Variants in BMERB1 observed in about 807,000 individuals in gnomAD.
The protein encoded by BMERB1 is bMERB domain-containing protein 1.
In BMERB1, 12 loss-of-function variants were observed where a neutral mutation model predicts 23.6. The observed-to-expected ratio is 0.51, with a 90% CI of 0.33 to 0.82. BMERB1 has a LOEUF of 0.82. Ranked by LOEUF, BMERB1 falls within the 40% of genes least tolerant of loss-of-function variation. The pLI is 0.03. For synonymous variants in BMERB1, 122 were observed against 96.6 expected, an observed-to-expected ratio of 1.26 and a Z score of -1.54; for missense variants, 247 against 255.4, an observed-to-expected ratio of 0.97 and a Z score of 0.22.
intron 1 of BMERB1, among the ~76,000 whole-genome samples, chr16:15,491,088 A>G (rs2051415760): frequency 6.6e-6 from 1 of 152,094 alleles, no homozygotes. Flanking sequence ...GAGCTCAAGT[A>G]ATCTTCCCGC....
At chr16:15,476,404 T>G (rs2051275409) in intron 1 of BMERB1, among the ~76,000 whole-genome samples, 1 of 152,072 alleles carries the variant, frequency 6.6e-6, no homozygotes, top group Non-Finnish European at 1.5e-5. Flanking sequence ...CTCAGGCAAT[T>G]CACCCACCTC....
chr16:15,477,545 T>A (rs1423016436), intron 1 of BMERB1, among the ~76,000 whole-genome samples: 2 of 152,106 alleles, frequency 1.3e-5, no homozygotes, highest in East Asian at 3.9e-4. Flanking sequence ...GCAAGAGGAT[T>A]ACTTGAGCCT....
chr16:15,540,061 C>T (rs1449788759), intron 2 of BMERB1, among the ~76,000 whole-genome samples: 4 of 151,930 alleles, frequency 2.6e-5, no homozygotes, highest in African/African-American at 4.8e-5. Context: ...GAGGCTGAGG[C>T]GGGAGGATTG....
At chr16:15,530,873 T>G (rs1420896215) in intron 2 of BMERB1, among the ~76,000 whole-genome samples, 1 of 151,888 alleles carries the variant, frequency 6.6e-6, no homozygotes. Flanking sequence ...TATGTGGAAC[T>G]GTGAGTCAAT....
intron 1 of BMERB1, among the ~76,000 whole-genome samples, chr16:15,471,835 C>G (rs150067069): frequency 1.2e-4 from 18 of 152,150 alleles, no homozygotes; most frequent in Non-Finnish European, 2.4e-4. Flanking sequence ...ACCTCAGCCT[C>G]CCAAAGTGCT....
At chr16:15,558,131 G>A (rs144509298) in intron 2 of BMERB1, among the ~76,000 whole-genome samples, 220 of 152,274 alleles carry the variant, frequency 1.4e-3, no homozygotes, top group African/African-American at 5.0e-3. Flanking sequence ...GCTATCAAGG[G>A]TCTGGCTGTT....
chr16:15,520,282 C>T (rs1190465676), intron 2 of BMERB1, among the ~76,000 whole-genome samples: 2 of 151,984 alleles, frequency 1.3e-5, no homozygotes, highest in Non-Finnish European at 2.9e-5. Flanking sequence ...AATGCCAGGA[C>T]CCCTTTTCTC....
intron 1 of BMERB1, among the ~76,000 whole-genome samples, chr16:15,465,353 A>ATATT (rs372237531): frequency 0.016 from 2,113 of 133,460 alleles, 26 homozygotes; most frequent in Middle Eastern, 0.052. Context: ...TAAGATATAT[A>ATATT]TTTTTTTTTT....
intron 1 of BMERB1, among the ~76,000 whole-genome samples, chr16:15,496,145 CGAT>C (rs911816268): frequency 3.4e-5 from 5 of 145,230 alleles, no homozygotes; most frequent in Non-Finnish European, 7.4e-5. Context: ...ATAATGGTGA[CGAT>C]GACAGTGATG....
chr16:15,512,453 A>C (rs769174168), intron 1 of BMERB1, among the ~76,000 whole-genome samples: 2 of 152,210 alleles, frequency 1.3e-5, no homozygotes, highest in Non-Finnish European at 2.9e-5. Flanking sequence ...GAAACAGGAC[A>C]ACTTTCTCTG....
chr16:15,534,634 A>C (rs942662459), intron 2 of BMERB1, among the ~76,000 whole-genome samples: 5 of 152,214 alleles, frequency 3.3e-5, no homozygotes, highest in African/African-American at 1.2e-4. Flanking sequence ...TCCACATTTG[A>C]CATTCCTGGT....
chr16:15,492,059 T>A (rs2051426087), intron 1 of BMERB1, among the ~76,000 whole-genome samples: 2 of 152,204 alleles, frequency 1.3e-5, no homozygotes, highest in South Asian at 4.1e-4. Flanking sequence ...GGCCATGCCA[T>A]GTGCCCCAGT....
intron 1 of BMERB1, among the ~76,000 whole-genome samples, chr16:15,458,717 C>CA (rs1162694311): frequency 0.011 from 855 of 80,210 alleles, 9 homozygotes; most frequent in African/African-American, 0.028. Flanking sequence ...ACCGTGTGTC[C>CA]AAAAAAAAAA....
chr16:15,530,555 C>T (rs182542217), intron 2 of BMERB1, among the ~76,000 whole-genome samples: 196 of 152,220 alleles, frequency 1.3e-3, no homozygotes, highest in African/African-American at 4.5e-3. Flanking sequence ...ACCACAGGCA[C>T]GTGCCACCAC....
At chr16:15,463,709 A>G (rs569907499) in intron 1 of BMERB1, among the ~76,000 whole-genome samples, 1 of 152,162 alleles carries the variant, frequency 6.6e-6, no homozygotes, top group East Asian at 1.9e-4. Flanking sequence ...GAACATATTC[A>G]AGGAACCCTC....
intron 1 of BMERB1, among the ~76,000 whole-genome samples, chr16:15,490,894 G>A (rs911740908): frequency 1.1e-4 from 17 of 151,996 alleles, no homozygotes; most frequent in South Asian, 4.2e-4. Context: ...CCAGGCTGTG[G>A]TGCAGTGGCA....
At chr16:15,443,447 G>A (rs1311568995) in intron 1 of BMERB1, among the ~76,000 whole-genome samples, 3 of 151,266 alleles carry the variant, frequency 2.0e-5, no homozygotes, top group Non-Finnish European at 2.9e-5. Context: ...GCTGAGGTGA[G>A]AGAATCGCTT....
intron 1 of BMERB1, among the ~76,000 whole-genome samples, chr16:15,439,683 G>A (rs2050922078): frequency 6.6e-6 from 1 of 152,098 alleles, no homozygotes; most frequent in South Asian, 2.1e-4. Context: ...CTAGCAGGGA[G>A]GTTTTTTCCC....
chr16:15,501,287 C>CTTTTTTTTTTTTTTTT (rs71152437), intron 1 of BMERB1, among the ~76,000 whole-genome samples: 1 of 64,922 alleles, frequency 1.5e-5, no homozygotes, highest in Non-Finnish European at 2.9e-5. Context: ...GCTCTTTTTA[C>CTTTTTTTTTTTTTTTT]TTTTTTTTTT....
Sources: gnomAD v4.1 joint callset for allele counts (sites outside exome capture counted in the v4.1 genomes callset) on GRCh38, gnomAD v4.1.1 for gene constraint, MANE v1.5 for transcripts, NCBI Gene and HGNC (gene_info 2026-07-23, HGNC 2026-07-21) for gene names.